The following SCFD2 variants were observed in gnomAD, a reference collection of about 807,000 sequenced individuals.
SCFD2 encodes sec1 family domain-containing protein 2.
In SCFD2, 54 loss-of-function variants were observed where a neutral mutation model predicts 58.9. The ratio of observed to expected loss-of-function variants is 0.92; its 90% CI spans 0.74 to 1.15. The LOEUF (loss-of-function observed/expected upper bound fraction) is 1.15. Among genes scored for constraint, SCFD2 ranks in the 50% most tolerant of loss-of-function variants. The probability of loss-of-function intolerance (pLI) is 0.00; values close to 1 mark genes in which losing one functional copy is unlikely to be tolerated. For missense variants in SCFD2, 805 were observed against 836.6 expected, an observed-to-expected ratio of 0.96 and a Z score of 0.47; for synonymous variants, 321 against 335.9, an observed-to-expected ratio of 0.96 and a Z score of 0.49.
chr4:53,149,908 G>A (rs758908121), intron 4 of SCFD2, among the ~76,000 whole-genome samples: 3 of 152,092 alleles, frequency 2.0e-5, no homozygotes, highest in Non-Finnish European at 4.4e-5. Flanking sequence ...TCTATCACAC[G>A]CCAGTTGAAA....
intron 5 of SCFD2, among the ~76,000 whole-genome samples, chr4:53,048,196 C>T (rs545949453): frequency 3.3e-5 from 5 of 152,124 alleles, no homozygotes; most frequent in South Asian, 2.1e-4. Flanking sequence ...ACTAAAAATA[C>T]GAAAATTAGC....
chr4:52,964,774 T>C (rs1290890425), intron 5 of SCFD2, among the ~76,000 whole-genome samples: 2 of 151,566 alleles, frequency 1.3e-5, no homozygotes, highest in Non-Finnish European at 2.9e-5. Flanking sequence ...CAAGTGCAGT[T>C]TGTTGTCCAG....
intron 5 of SCFD2, among the ~76,000 whole-genome samples, chr4:53,100,055 A>G (rs1446467257): frequency 6.6e-6 from 1 of 152,170 alleles, no homozygotes; most frequent in Non-Finnish European, 1.5e-5. Flanking sequence ...AGGAAATCAG[A>G]ATGGACATCA....
intron 5 of SCFD2, among the ~76,000 whole-genome samples, chr4:53,043,836 A>G (rs1722959124): frequency 6.6e-6 from 1 of 152,218 alleles, no homozygotes; most frequent in Non-Finnish European, 1.5e-5. Context: ...CCTTTAAAAA[A>G]TAATATATTT....
At chr4:53,193,575 T>C (rs1727975873) in intron 4 of SCFD2, among the ~76,000 whole-genome samples, 1 of 152,172 alleles carries the variant, frequency 6.6e-6, no homozygotes, top group African/African-American at 2.4e-5. Context: ...AAATAGATTA[T>C]GAAAAATGTC....
chr4:53,273,731 GATTTATTACTAAGGCTATA>G (rs1731245112), intron 4 of SCFD2, 76 bp downstream of exon 4: 4 of 1,083,034 alleles, frequency 3.7e-6, no homozygotes, highest in Admixed American at 2.7e-5. Context: ...TCAACAATAT[GATTTATTACTAAGGCTATA>G]ATAAATGTCA....
At chr4:53,010,712 G>A (rs1338082089) in intron 5 of SCFD2, among the ~76,000 whole-genome samples, 1 of 152,148 alleles carries the variant, frequency 6.6e-6, no homozygotes, top group African/African-American at 2.4e-5. Context: ...CTTAGGTATG[G>A]TATTGGTCAC....
intron 5 of SCFD2, among the ~76,000 whole-genome samples, chr4:53,137,843 T>A (rs1480289326): frequency 6.6e-6 from 1 of 152,236 alleles, no homozygotes; most frequent in Non-Finnish European, 1.5e-5. Flanking sequence ...CTTTGTTTCC[T>A]GATTCAGAGC....
At chr4:53,044,540 C>T (rs1043714106) in intron 5 of SCFD2, among the ~76,000 whole-genome samples, 2 of 148,044 alleles carry the variant, frequency 1.4e-5, no homozygotes, top group Non-Finnish European at 1.5e-5. Context: ...CTCCCTTTCT[C>T]CTTCTATATA....
intron 5 of SCFD2, among the ~76,000 whole-genome samples, chr4:53,058,047 T>C (rs1723397095): frequency 1.3e-5 from 2 of 152,104 alleles, no homozygotes. Context: ...CCATTGTAAA[T>C]AAGGCTATCA....
chr4:52,917,986 A>G (rs1376980435), intron 6 of SCFD2, among the ~76,000 whole-genome samples: 2 of 152,166 alleles, frequency 1.3e-5, no homozygotes, highest in African/African-American at 4.8e-5. Flanking sequence ...AGGTGGGGCC[A>G]GTGGGGGCCC....
In SCFD2 at chr4:53,096,811, C is replaced by T. The variant is rs1033232470; in HGVS notation, c.1561+48522G>A. The stretch of plus-strand genomic sequence containing the variant: ...GCCCATGCCTATGTCCTGAATGGTA[C>T]TGCCTAGGTTTTCTTCTAGGGTTTT... On this transcript the variant is annotated intron_variant, in intron 5 of 8. Transcript: ENST00000401642. 3.9e-5 allele frequency among the ~76,000 whole-genome samples: 6 copies of T among 152,116 alleles called. No individual in the cohort carries two copies. The East Asian group carries it at 5.8e-4, about 15-fold the overall frequency.
chr4:53,032,754 C>T (rs1472261957), intron 5 of SCFD2, among the ~76,000 whole-genome samples: 2 of 152,124 alleles, frequency 1.3e-5, no homozygotes, highest in African/African-American at 2.4e-5. Flanking sequence ...GGGATCAATG[C>T]AGCAAGAAGA....
At chr4:53,151,888 A>G (rs1056504667) in intron 4 of SCFD2, among the ~76,000 whole-genome samples, 3 of 152,224 alleles carry the variant, frequency 2.0e-5, no homozygotes, top group Non-Finnish European at 4.4e-5. Context: ...TGCTCAGCAC[A>G]TCACATGATA....
chr4:53,022,826 T>C (rs1177512281), intron 5 of SCFD2, among the ~76,000 whole-genome samples: 1 of 152,222 alleles, frequency 6.6e-6, no homozygotes. Flanking sequence ...ATTATAACTG[T>C]AGGGGTGTGG....
intron 2 of SCFD2, among the ~76,000 whole-genome samples, chr4:53,337,504 T>C (rs141700433): frequency 3.3e-3 from 499 of 152,320 alleles, no homozygotes; most frequent in African/African-American, 0.012. Context: ...CCAGAACTCA[T>C]ATGTATTGCT....
intron 5 of SCFD2, among the ~76,000 whole-genome samples, chr4:52,978,744 T>C (rs1721307462): frequency 6.6e-6 from 1 of 152,128 alleles, no homozygotes; most frequent in South Asian, 2.1e-4. Context: ...AGGTAAAATG[T>C]ATGCTTTACA....
At chr4:53,078,237 G>A (rs1384722013) in intron 5 of SCFD2, among the ~76,000 whole-genome samples, 1 of 151,918 alleles carries the variant, frequency 6.6e-6, no homozygotes, top group Non-Finnish European at 1.5e-5. Context: ...GCAGACAATG[G>A]GATAAAATTT....
chr4:52,956,873 A>G (rs1325162760), intron 5 of SCFD2: 1 of 152,076 alleles, frequency 6.6e-6, no homozygotes, highest in Non-Finnish European at 1.5e-5. Context: ...CCTCTGCAGT[A>G]TGGTGGGAGC....
Sources: gnomAD v4.1 joint callset for allele counts (sites outside exome capture counted in the v4.1 genomes callset) on GRCh38, gnomAD v4.1.1 for gene constraint, MANE v1.5 for transcripts, NCBI Gene and HGNC (gene_info 2026-07-23, HGNC 2026-07-21) for gene names.